The following PA2G4 variants were observed in gnomAD, a reference collection of about 807,000 sequenced individuals.
PA2G4 encodes proliferation-associated protein 2G4.
PA2G4 carries 8 observed loss-of-function variants against 53.3 expected under a neutral mutation model. That is an observed-to-expected ratio of 0.15 (90% CI 0.09 to 0.27). The LOEUF (loss-of-function observed/expected upper bound fraction) is 0.27. Among genes scored for constraint, PA2G4 ranks in the 10% least tolerant of loss-of-function variants. The probability of loss-of-function intolerance (pLI) is 1.00; values close to 1 mark genes in which losing one functional copy is unlikely to be tolerated. For missense variants in PA2G4, 208 were observed against 486.8 expected (o/e 0.43, Z 5.39); for synonymous variants, 143 against 169.8 (o/e 0.84, Z 1.23).
chr12:56,105,213 G>GC, intron 1 of PA2G4: 1 of 455,950 alleles, frequency 2.2e-6, no homozygotes, highest in Admixed American at 2.5e-5. Flanking sequence ...CGACAGAAGT[G>GC]CCCCTCTGTT....
At chr12:56,110,359 CAA>C (rs370708635) in intron 7 of PA2G4, 38 bp from the exon 8 acceptor site, 5,965 of 1,055,368 alleles carry the variant, frequency 5.7e-3, no homozygotes, top group Admixed American at 6.7e-3. Flanking sequence ...GACTCTGTGT[CAA>C]AAAAAAAAAA....
chr12:56,105,204 G>C (rs778846322), intron 1 of PA2G4: 1 of 471,554 alleles, frequency 2.1e-6, no homozygotes, highest in African/African-American at 2.0e-5. Context: ...AGCTATTGGC[G>C]ACAGAAGTGC....
chr12:56,111,087 A>T, intron 10 of PA2G4, 29 bp downstream of exon 10: 1 of 1,613,076 alleles, frequency 6.2e-7, no homozygotes, highest in South Asian at 1.1e-5. Flanking sequence ...TTCACTTTGG[A>T]TTCCCTGATT....
rs138252467 is a variant in PA2G4, at chr12:56,110,856, C to G, written c.843-108C>G. On this transcript the variant is annotated intron_variant, in intron 9 of 12. Transcript: ENST00000303305. ...ATTGAAGGTAATGTAAAAGAGCAATCCTAAGCATGATTTCTGCCTGAGGGT... is the reference window on the plus strand; with the variant it reads ...ATTGAAGGTAATGTAAAAGAGCAATGCTAAGCATGATTTCTGCCTGAGGGT... 2.3e-4 allele frequency: 307 copies of G among 1,347,756 alleles called. 1 individual carries two copies. In the African/African-American group the frequency reaches 3.9e-3, roughly 17 times the overall value. 83.5% of individuals were successfully genotyped at this position (1,347,756 alleles called of 1,614,324 possible).
intron 5 of PA2G4, 71 bp from the exon 6 acceptor site, chr12:56,109,159 C>T (rs917124926): frequency 1.2e-6 from 1 of 818,556 alleles, no homozygotes. Flanking sequence ...TTCTTTTATG[C>T]TTCTTATTCT....
rs1256611986 is a variant in PA2G4, at chr12:56,104,762, G to C, written c.25G>C (p.Glu9Gln). The C allele has an allele frequency of 1.2e-6, 2 of 1,613,870 alleles. No individual in the cohort carries two copies. The highest frequency in any genetic ancestry group is 2.2e-5 in the East Asian group (1 of 44,888). Reference protein sequence around the residue: MSGEDEQQEQTIAEDLVVT... With the variant: MSGEDEQQQQTIAEDLVVT... Reference sequence around the variant, plus strand: ...GATGTCGGGCGAGGACGAGCAACAGGAGCAAACTATCGCTGAGGACCTGGT... The same window carrying C: ...GATGTCGGGCGAGGACGAGCAACAGCAGCAAACTATCGCTGAGGACCTGGT... The change falls in exon 1 of 13, where the codon GAG (glutamate) becomes CAG (glutamine). Residue 9 changes from glutamate to glutamine, a missense_variant. Physicochemically the swap from Glu to Gln is conservative, Grantham distance 29. This residue lies in a region of PA2G4 where 15 missense variants were observed against 17.6 expected (regional missense o/e 0.85). Coordinates refer to ENST00000303305, the MANE Select transcript of PA2G4 (RefSeq NM_006191.3).
At chr12:56,106,804 C>T in intron 2 of PA2G4, 88 bp downstream of exon 2, 3 of 1,481,572 alleles carry the variant, frequency 2.0e-6, no homozygotes, top group Non-Finnish European at 2.7e-6. Flanking sequence ...ATGACGCAGT[C>T]CCCACCCCAG....
intron 2 of PA2G4, 31 bp from the exon 3 acceptor site, chr12:56,106,959 A>G: frequency 6.4e-7 from 1 of 1,550,628 alleles, no homozygotes; most frequent in East Asian, 2.2e-5. Context: ...GGAGACAGCA[A>G]GGCAGTAGGC....
In PA2G4 at chr12:56,113,266, C is replaced by T. The variant is rs554860710; in HGVS notation, c.*378C>T. The T allele has an allele frequency of 1.1e-4, 19 of 175,016 alleles. No homozygotes were observed. Among genetic ancestry groups the T allele is most frequent in the Non-Finnish European group, 1.9e-4 (16 of 83,820 alleles). 10.8% of individuals were successfully genotyped at this position (175,016 alleles called of 1,614,324 possible). On this transcript the variant is annotated 3_prime_UTR_variant, in exon 13 of 13. Coordinates refer to ENST00000303305, the MANE Select transcript of PA2G4 (RefSeq NM_006191.3). ...TAGCCACCACCACTGAAAACTCAGC[C>T]GAATTTTTTTATACCACTCTGATGT...
chr12:56,111,550 C>T, intron 12 of PA2G4, 21 bp downstream of exon 12: 1 of 1,607,722 alleles, frequency 6.2e-7, no homozygotes, highest in Non-Finnish European at 8.5e-7. Context: ...AACGATCATT[C>T]CTCTCTGGCA....
chr12:56,106,567 A>G (rs376891199), intron 1 of PA2G4, 21 bp from the exon 2 acceptor site: 243 of 1,537,216 alleles, frequency 1.6e-4, no homozygotes, highest in Non-Finnish European at 2.0e-4. Flanking sequence ...CAAGGCTGAC[A>G]TGATGGGATT....
Position 56,111,270 on chromosome 12 carries a change from C to T in PA2G4, c.1026C>T (p.Leu342=). ...CCAGTGGTCCCTTCGAGCCTGACCT[C>T]TACAAGTCTGAGATGGAGGTCCAGG... ...RITSGPFEPD[L]YKSEMEVQDA... The change falls in exon 11 of 13, where the codon CTC becomes CTT. Residue 342 remains leucine, a synonymous_variant. Transcript: ENST00000303305. 6.2e-7 allele frequency: 1 copy of T among 1,614,186 alleles called. No individual in the cohort carries two copies. The highest frequency in any genetic ancestry group is 8.5e-7 in the Non-Finnish European group (1 of 1,180,030).
In PA2G4 at chr12:56,107,518, C is replaced by T. The variant is rs1283191962; in HGVS notation, c.394-3C>T. On this transcript the variant is annotated splice_polypyrimidine_tract_variant and splice_region_variant and intron_variant, in intron 4 of 12. Transcript: ENST00000303305. ...GATACTGATTGCATGTCCTTATCTA[C>T]AGGGGACCCAAGTAACAGGGAGGAA... The T allele has an allele frequency of 2.5e-6, 4 of 1,608,966 alleles. No individual in the cohort carries two copies. The highest frequency in any genetic ancestry group is 3.4e-6 in the Non-Finnish European group (4 of 1,175,238).
chr12:56,105,184 G>A (rs1241212056), intron 1 of PA2G4: 4 of 507,128 alleles, frequency 7.9e-6, no homozygotes, highest in East Asian at 5.4e-5. Context: ...ACCTCGAAAA[G>A]GAAGCGCCCA....
At chr12:56,110,862 C>T (rs1486347456) in intron 9 of PA2G4, 102 bp from the exon 10 acceptor site, 13 of 1,353,514 alleles carry the variant, frequency 9.6e-6, no homozygotes, top group Non-Finnish European at 1.2e-5. Flanking sequence ...CAATCCTAAG[C>T]ATGATTTCTG....
chr12:56,107,323 T>A, intron 4 of PA2G4, 67 bp downstream of exon 4: 5 of 1,269,718 alleles, frequency 3.9e-6, no homozygotes, highest in Non-Finnish European at 5.8e-6. Flanking sequence ...ATTTGCTTCT[T>A]ATCCCCACCC....
In PA2G4 at chr12:56,110,553, T is replaced by A; in HGVS notation, c.709-6T>A. 2 of 1,614,134 alleles carry A rather than the reference T, an allele frequency of 1.2e-6. No homozygotes were observed. The highest frequency in any genetic ancestry group is 1.7e-6 in the Non-Finnish European group (2 of 1,180,008). On this transcript the variant is annotated splice_region_variant and splice_polypyrimidine_tract_variant and intron_variant, in intron 8 of 12. Coordinates refer to ENST00000303305, the MANE Select transcript of PA2G4 (RefSeq NM_006191.3). ...AGACCAAATGTTACTTAAATTACTC[T>A]TTCAGGCCAAGGATGCAGGACAGAG...
In PA2G4 at chr12:56,106,639, G is replaced by T. The variant is rs1342340629; in HGVS notation, c.140G>T (p.Ser47Ile). 6.2e-6 allele frequency: 10 copies of T among 1,606,510 alleles called. No individual in the cohort carries two copies. The highest frequency in any genetic ancestry group is 8.5e-6 in the Non-Finnish European group (10 of 1,178,156). The change falls in exon 2 of 13, where the codon AGC (serine) becomes ATC (isoleucine). Residue 47 changes from serine to isoleucine, a missense_variant. By Grantham distance (142) the Ser-to-Ile change is moderately radical (BLOSUM62 -2). Around this residue, in one of 3 missense-constraint regions of PA2G4, gnomAD observed 143 missense variants for 386.8 expected, o/e 0.37. Transcript: ENST00000303305. ...EASSSGVSVLSLCEKGDAMIM... is the reference protein window; with the variant it reads ...EASSSGVSVLILCEKGDAMIM... Reference sequence around the variant, plus strand: ...TCTAGCTCAGGTGTGTCGGTACTGAGCCTGTGTGAGAAAGGTGATGCCATG... The same window carrying T: ...TCTAGCTCAGGTGTGTCGGTACTGATCCTGTGTGAGAAAGGTGATGCCATG...
chr12:56,112,951 T>C lies in PA2G4; in HGVS notation c.*63T>C. On this transcript the variant is annotated 3_prime_UTR_variant, in exon 13 of 13. Transcript: ENST00000303305. The stretch of plus-strand genomic sequence containing the variant: ...ATCCCCTTCCCACCAAACCCCAGAC[T>C]CTGTGAAGTGCAGTTCTTCTCCACC... 9.0e-7 allele frequency: 1 copy of C among 1,110,990 alleles called. No individual in the cohort carries two copies. Among genetic ancestry groups the C allele is most frequent in the Non-Finnish European group, 1.3e-6 (1 of 780,456 alleles). 68.8% of individuals were successfully genotyped at this position (1,110,990 alleles called of 1,614,324 possible). A position where few individuals can be genotyped will look rare whatever the true frequency, so the allele number is the denominator to read the frequency against.
Sources: gnomAD v4.1 joint callset for allele counts on GRCh38, gnomAD v4.1.1 for gene constraint, gnomAD v4.1.1 regional missense constraint, MANE v1.5 for transcripts, NCBI Gene and HGNC (gene_info 2026-07-23, HGNC 2026-07-21) for gene names.